CSMD1: variants seen among roughly 807,000 people sequenced by gnomAD.
The protein encoded by CSMD1 is CUB and sushi domain-containing protein 1.
In CSMD1, 213 loss-of-function variants were observed where a neutral mutation model predicts 417.5. The ratio of observed to expected loss-of-function variants is 0.51; its 90% CI spans 0.46 to 0.57. The LOEUF is 0.57. Among genes scored for constraint, CSMD1 ranks in the 20% least tolerant of loss-of-function variants. The pLI is 0.00. For missense variants in CSMD1, 6,923 were observed against 4,529.7 expected (o/e 1.53, Z -15.17); for synonymous variants, 2,862 against 1,736.8 (o/e 1.65, Z -16.11).
chr8:3,547,606 T>C (rs1358943920), intron 10 of CSMD1, among the ~76,000 whole-genome samples: 1 of 152,206 alleles, frequency 6.6e-6, no homozygotes, highest in Admixed American at 6.5e-5. Flanking sequence ...TATTTAAATA[T>C]TAAGTTTACT....
chr8:3,386,411 C>G (rs778861715), intron 18 of CSMD1, among the ~76,000 whole-genome samples: 5 of 152,150 alleles, frequency 3.3e-5, no homozygotes, highest in Admixed American at 6.5e-5. Context: ...TCCCACACTT[C>G]CTGAGAGGGC....
intron 1 of CSMD1, among the ~76,000 whole-genome samples, chr8:4,841,273 T>C (rs1800821382): frequency 6.6e-6 from 1 of 152,246 alleles, no homozygotes; most frequent in African/African-American, 2.4e-5. Context: ...CAGCCTTTGG[T>C]TATTGATTAG....
At chr8:4,305,154 G>C (rs1488507197) in intron 3 of CSMD1, among the ~76,000 whole-genome samples, 1 of 152,152 alleles carries the variant, frequency 6.6e-6, no homozygotes, top group East Asian at 1.9e-4. Context: ...TATCTATTTT[G>C]AAAGATAGTT....
intron 3 of CSMD1, among the ~76,000 whole-genome samples, chr8:4,276,472 C>A (rs1379555925): frequency 4.6e-5 from 7 of 152,042 alleles, no homozygotes; most frequent in African/African-American, 1.7e-4. Flanking sequence ...CAGGGCCTGT[C>A]AGGAGAAATA....
intron 7 of CSMD1, among the ~76,000 whole-genome samples, chr8:3,645,392 C>A (rs1056819956): frequency 6.6e-6 from 1 of 152,208 alleles, no homozygotes; most frequent in Non-Finnish European, 1.5e-5. Context: ...GGGGTTGAAG[C>A]TCGGCTTCGG....
Position 4,397,814 on chromosome 8 carries a change from A to G in CSMD1, c.415+22139T>C, listed in dbSNP as rs150665018. Among the ~76,000 whole-genome samples, 1,314 of 152,196 alleles carry G rather than the reference A, an allele frequency of 8.6e-3. 16 individuals carry two copies. The highest frequency in any genetic ancestry group is 0.045 in the South Asian group (215 of 4,822). On this transcript the variant is annotated intron_variant, in intron 3 of 69. Coordinates refer to ENST00000635120, the MANE Select transcript of CSMD1 (RefSeq NM_033225.6). ...CTCAATATTACATGCTAATTATACA[A>G]TATTTATAATCGGAAAATAATGTAA...
intron 30 of CSMD1, 66 bp downstream of exon 30, chr8:3,214,431 C>T (rs1797779776): frequency 6.0e-6 from 8 of 1,341,584 alleles, no homozygotes; most frequent in Non-Finnish European, 8.0e-6. Context: ...GAAACCATTT[C>T]TTCAATGAGA....
At chr8:3,855,475 A>G (rs1472174620) in intron 5 of CSMD1, among the ~76,000 whole-genome samples, 1 of 152,210 alleles carries the variant, frequency 6.6e-6, no homozygotes, top group Non-Finnish European at 1.5e-5. Flanking sequence ...GAAATGTGCT[A>G]GTTATGAAGA....
At chr8:3,463,546 G>C (rs1196718320) in intron 12 of CSMD1, among the ~76,000 whole-genome samples, 1 of 152,168 alleles carries the variant, frequency 6.6e-6, no homozygotes, top group Non-Finnish European at 1.5e-5. Flanking sequence ...TGTCTTGTCT[G>C]ACTATGAATA....
In CSMD1 at chr8:4,124,883, G is replaced by C. The variant is rs186567361; in HGVS notation, c.416-92784C>G. 2.4e-3 allele frequency among the ~76,000 whole-genome samples: 367 copies of C among 152,264 alleles called. 4 individuals carry two copies. Among genetic ancestry groups the C allele is most frequent in the African/African-American group, 8.4e-3 (348 of 41,566 alleles). ...ACTCTATAGGACAGAAAAAGGAAAA[G>C]CGGAGGGGTTATAAGGAGATATAAG... On this transcript the variant is annotated intron_variant, in intron 3 of 69. Transcript: ENST00000635120.
rs369173694 is a variant in CSMD1, at chr8:3,928,223, T to C, written c.818+69680A>G. Among the ~76,000 whole-genome samples, 117 of 152,210 alleles carry C rather than the reference T, an allele frequency of 7.7e-4. 1 individual carries two copies. Among genetic ancestry groups the C allele is most frequent in the Middle Eastern group, 3.4e-3 (1 of 294 alleles). The stretch of plus-strand genomic sequence containing the variant: ...TAATGTAATAATACTGAAAGGAAAA[T>C]AGAAATAGTAGGTATAATTAATACA... On this transcript the variant is annotated intron_variant, in intron 5 of 69. Coordinates refer to ENST00000635120, the MANE Select transcript of CSMD1 (RefSeq NM_033225.6).
chr8:4,801,159 G>A (rs1174420752), intron 1 of CSMD1, among the ~76,000 whole-genome samples: 1 of 152,196 alleles, frequency 6.6e-6, no homozygotes, highest in African/African-American at 2.4e-5. Flanking sequence ...TTAAATCAAT[G>A]TCTTACTTCA....
chr8:3,499,139 T>C (rs901939564), intron 10 of CSMD1, among the ~76,000 whole-genome samples: 4 of 152,226 alleles, frequency 2.6e-5, no homozygotes, highest in Non-Finnish European at 5.9e-5. Flanking sequence ...AATGTAGTTT[T>C]AGTAGGAAAA....
chr8:4,408,407 C>G lies in CSMD1; in HGVS notation c.415+11546G>C, dbSNP rs191753486. On this transcript the variant is annotated intron_variant, in intron 3 of 69. Coordinates refer to ENST00000635120, the MANE Select transcript of CSMD1 (RefSeq NM_033225.6). ...AGGCATTTTACCCTATGAAAGGATT[C>G]TCCATTGATCAGGTTTTAAAGAAAA... 2.0e-5 allele frequency among the ~76,000 whole-genome samples: 3 copies of G among 152,188 alleles called. No individual in the cohort carries two copies. In the East Asian group the frequency reaches 5.8e-4, roughly 29 times the overall value.
chr8:4,407,358 A>G lies in CSMD1; in HGVS notation c.415+12595T>C, dbSNP rs77307703. 5.7e-3 allele frequency among the ~76,000 whole-genome samples: 872 copies of G among 152,330 alleles called. 34 individuals carry two copies. In the East Asian group the frequency reaches 0.088, roughly 15 times the overall value. ...TATACAATAACTTTTTTAAAACTCA[A>G]TTTTTACTATGACTCTTGTTTAACA... On this transcript the variant is annotated intron_variant, in intron 3 of 69. Transcript: ENST00000635120.
chr8:4,206,521 T>G (rs1799991950), intron 3 of CSMD1, among the ~76,000 whole-genome samples: 1 of 152,214 alleles, frequency 6.6e-6, no homozygotes, highest in African/African-American at 2.4e-5. Context: ...GAACTCATCC[T>G]TTTTTATGGC....
rs541062467 is a variant in CSMD1 at position 4,207,616 on chromosome 8, C to T, written c.416-175517G>A. Reference sequence around the variant, plus strand: ...TTAATATTCAATTCAGTAAGACTGGCAACATTTTCATTATGAAGAGGGGGT... The same window carrying T: ...TTAATATTCAATTCAGTAAGACTGGTAACATTTTCATTATGAAGAGGGGGT... On this transcript the variant is annotated intron_variant, in intron 3 of 69. Coordinates refer to ENST00000635120, the MANE Select transcript of CSMD1 (RefSeq NM_033225.6). 3.9e-5 allele frequency among the ~76,000 whole-genome samples: 6 copies of T among 152,144 alleles called. No individual in the cohort carries two copies. In the South Asian group the frequency reaches 8.3e-4, roughly 21 times the overall value.
chr8:4,583,237 G>A (rs1411648791), intron 2 of CSMD1, among the ~76,000 whole-genome samples: 4 of 152,222 alleles, frequency 2.6e-5, no homozygotes, highest in Non-Finnish European at 4.4e-5. Flanking sequence ...GGACTGGCAG[G>A]CAGCTCCACC....
chr8:4,958,953 C>G (rs902877016), intron 1 of CSMD1, among the ~76,000 whole-genome samples: 3 of 152,048 alleles, frequency 2.0e-5, no homozygotes, highest in Admixed American at 2.0e-4. Flanking sequence ...TTCCTTAGGT[C>G]TTGTGAGAAT....
Sources: gnomAD v4.1 joint callset for allele counts (sites outside exome capture counted in the v4.1 genomes callset) on GRCh38, gnomAD v4.1.1 for gene constraint, MANE v1.5 for transcripts, NCBI Gene and HGNC (gene_info 2026-07-23, HGNC 2026-07-21) for gene names.